The following ABCB7 variants were observed in gnomAD, a reference collection of about 807,000 sequenced individuals.
ABCB7 encodes the protein iron-sulfur clusters transporter ABCB7, mitochondrial.
A neutral mutation model predicts 54.4 loss-of-function variants in ABCB7; 7 were observed. The ratio of observed to expected loss-of-function variants is 0.13; its 90% CI spans 0.07 to 0.24. ABCB7 has a LOEUF of 0.24. Among genes scored for constraint, ABCB7 ranks in the 10% least tolerant of loss-of-function variants. The pLI, the probability that ABCB7 is intolerant of heterozygous loss-of-function variation, is 1.00. For missense variants in ABCB7, 356 were observed against 570.4 expected (o/e 0.62, Z 3.83); for synonymous variants, 218 against 207.1 (o/e 1.05, Z -0.45).
intron 1 of ABCB7, among the ~76,000 whole-genome samples, chrX:75,123,670 CTCT>C (rs1345162095): frequency 6.3e-5 from 7 of 111,127 alleles, no homozygotes; most frequent in African/African-American, 2.3e-4. Context: ...TATTTGTGTC[CTCT>C]TCAATTTTTT....
At chrX:75,079,172 T>C (rs5937939) in intron 4 of ABCB7, among the ~76,000 whole-genome samples, 6,181 of 111,907 alleles carry the variant, frequency 0.055, 208 homozygotes, top group South Asian at 0.14. Context: ...TCATCTGCAT[T>C]GTGTTGTTAG....
At chrX:75,077,284 T>A in intron 4 of ABCB7, among the ~76,000 whole-genome samples, 1 of 111,907 alleles carries the variant, frequency 8.9e-6, no homozygotes, top group Non-Finnish European at 1.9e-5. Flanking sequence ...CAATACCACA[T>A]AAAACAAAGC....
At chrX:75,128,287 T>A (rs1047159405) in intron 1 of ABCB7, among the ~76,000 whole-genome samples, 2 of 111,163 alleles carry the variant, frequency 1.8e-5, no homozygotes, top group Non-Finnish European at 3.8e-5. Context: ...GCCTCAGAAG[T>A]AACACCACAC....
At chrX:75,099,923 TTATTACTGCTGAGGG>T (rs2081626261) in intron 3 of ABCB7, among the ~76,000 whole-genome samples, 1 of 110,319 alleles carries the variant, frequency 9.1e-6, no homozygotes, top group African/African-American at 3.3e-5. Flanking sequence ...AAGATACTGC[TTATTACTGCTGAGGG>T]CATATGAAAA....
At position 75,053,336 on chromosome X, in the gene ABCB7, CAA is replaced by C; in HGVS notation, c.*32_*33del. On this transcript the variant is annotated 3_prime_UTR_variant, in exon 16 of 16. Coordinates refer to ENST00000373394, the MANE Select transcript of ABCB7 (RefSeq NM_001271696.3). ...TCTGCTTCAGTGCAAATATGTAGTC[CAA>C]AACAACAAAAAAAGAAAATGTCTTA... The C allele has an allele frequency of 8.3e-7, 1 of 1,206,216 alleles. No individual in the cohort carries two copies.
intron 3 of ABCB7, among the ~76,000 whole-genome samples, chrX:75,105,627 T>C (rs1394763183): frequency 4.5e-5 from 5 of 110,171 alleles, no homozygotes; most frequent in African/African-American, 1.6e-4. Flanking sequence ...AAACTACTAA[T>C]GTCATTTTTC....
At chrX:75,074,122 A>G (rs989599440) in intron 6 of ABCB7, among the ~76,000 whole-genome samples, 166 bp from the exon 7 acceptor site, 1 of 111,948 alleles carries the variant, frequency 8.9e-6, no homozygotes, top group Non-Finnish European at 1.9e-5. Context: ...TAGAAAATCT[A>G]CTTTAGGCAA....
intron 1 of ABCB7, among the ~76,000 whole-genome samples, chrX:75,152,112 C>T (rs1015825805): frequency 8.9e-6 from 1 of 111,965 alleles, no homozygotes; most frequent in Non-Finnish European, 1.9e-5. Flanking sequence ...CCTAACAGCT[C>T]GTATTTTTCT....
chrX:75,092,005 G>C (rs1218103464), intron 4 of ABCB7, among the ~76,000 whole-genome samples: 1 of 111,242 alleles, frequency 9.0e-6, no homozygotes, highest in Non-Finnish European at 1.9e-5. Flanking sequence ...TCTCCAGCTT[G>C]ATCTATAGAT....
intron 1 of ABCB7, among the ~76,000 whole-genome samples, chrX:75,153,083 T>C (rs1367395782): frequency 9.1e-6 from 1 of 109,942 alleles, no homozygotes; most frequent in Non-Finnish European, 1.9e-5. Context: ...TGTTTGTTTG[T>C]TTGCTTGTTT....
At chrX:75,101,507 T>C (rs909969472) in intron 3 of ABCB7, among the ~76,000 whole-genome samples, 1 of 111,288 alleles carries the variant, frequency 9.0e-6, no homozygotes, top group Non-Finnish European at 1.9e-5. Context: ...AAATATGAAA[T>C]GCTGAAAGTA....
At chrX:75,099,919 C>T (rs2081626196) in intron 3 of ABCB7, among the ~76,000 whole-genome samples, 1 of 109,213 alleles carries the variant, frequency 9.2e-6, no homozygotes, top group Admixed American at 9.8e-5. Context: ...AAAAAAGATA[C>T]TGCTTATTAC....
chrX:75,141,108 A>G (rs1403364830), intron 1 of ABCB7, among the ~76,000 whole-genome samples: 1 of 112,021 alleles, frequency 8.9e-6, no homozygotes, highest in African/African-American at 3.2e-5. Context: ...TCTAAAAAAG[A>G]TATCAATTCA....
intron 1 of ABCB7, among the ~76,000 whole-genome samples, 171 bp from the exon 2 acceptor site, chrX:75,115,002 G>T (rs1369349821): frequency 9.0e-6 from 1 of 111,149 alleles, no homozygotes; most frequent in Non-Finnish European, 1.9e-5. Flanking sequence ...GGGCCTGGTG[G>T]CTCACGCCTA....
intron 1 of ABCB7, among the ~76,000 whole-genome samples, chrX:75,132,437 C>G (rs1026845782): frequency 1.8e-5 from 2 of 113,020 alleles, no homozygotes; most frequent in African/African-American, 6.4e-5. Context: ...AAGGAACAAG[C>G]GAAAGGCCCT....
intron 15 of ABCB7, among the ~76,000 whole-genome samples, chrX:75,059,229 G>A (rs780201552): frequency 2.7e-5 from 3 of 110,646 alleles, no homozygotes; most frequent in African/African-American, 6.6e-5. Context: ...TAATCCCAGC[G>A]CACTTTGGGA....
At chrX:75,128,783 A>G (rs894210587) in intron 1 of ABCB7, among the ~76,000 whole-genome samples, 2 of 112,327 alleles carry the variant, frequency 1.8e-5, no homozygotes, top group African/African-American at 3.2e-5. Flanking sequence ...AAAGTGAGCG[A>G]AGGATATGAA....
At chrX:75,112,050 G>A (rs754722297) in intron 3 of ABCB7, among the ~76,000 whole-genome samples, 1 of 112,221 alleles carries the variant, frequency 8.9e-6, no homozygotes, top group Non-Finnish European at 1.9e-5. Flanking sequence ...AATGTGAAGT[G>A]TTTTGAGTTC....
At chrX:75,138,347 C>T (rs1474984652) in intron 1 of ABCB7, among the ~76,000 whole-genome samples, 2 of 111,614 alleles carry the variant, frequency 1.8e-5, no homozygotes, top group Non-Finnish European at 3.8e-5. Context: ...TATACATATA[C>T]GTATGTACAC....
Sources: gnomAD v4.1 joint callset for allele counts (sites outside exome capture counted in the v4.1 genomes callset) on GRCh38, gnomAD v4.1.1 for gene constraint, MANE v1.5 for transcripts, NCBI Gene and HGNC (gene_info 2026-07-23, HGNC 2026-07-21) for gene names.